The following AATF variants were observed in gnomAD, a reference collection of about 807,000 sequenced individuals.
The protein encoded by AATF is protein AATF.
AATF carries 48 observed loss-of-function variants against 63.7 expected under a neutral mutation model. The observed-to-expected ratio is 0.75, with a 90% CI of 0.60 to 0.96. The LOEUF (loss-of-function observed/expected upper bound fraction) is 0.96. Ranked by LOEUF, AATF falls within the 40% of genes least tolerant of loss-of-function variation. The pLI is 0.00. For missense variants in AATF, 639 were observed against 685.7 expected, an observed-to-expected ratio of 0.93 and a Z score of 0.76; for synonymous variants, 258 against 247.7, an observed-to-expected ratio of 1.04 and a Z score of -0.39.
intron 4 of AATF, among the ~76,000 whole-genome samples, chr17:36,969,648 C>G (rs148017782): frequency 6.6e-6 from 1 of 152,278 alleles, no homozygotes; most frequent in African/African-American, 2.4e-5. Flanking sequence ...TTTGCTTTTT[C>G]AAAAACTGGT....
chr17:36,975,359 A>T (rs2071072206), intron 4 of AATF, among the ~76,000 whole-genome samples: 1 of 152,164 alleles, frequency 6.6e-6, no homozygotes, highest in African/African-American at 2.4e-5. Flanking sequence ...AGCTCTAAAA[A>T]ATGAGGATGT....
intron 11 of AATF, 140 bp downstream of exon 11, chr17:37,031,825 C>A: frequency 1.4e-6 from 1 of 713,394 alleles, no homozygotes. Flanking sequence ...CACATCTCTT[C>A]ACCCTCATAA....
chr17:37,005,879 A>G (rs2071337383), intron 8 of AATF, among the ~76,000 whole-genome samples: 1 of 152,136 alleles, frequency 6.6e-6, no homozygotes, highest in African/African-American at 2.4e-5. Context: ...TGCAATCCCA[A>G]CACTTTGGGA....
At chr17:37,010,118 G>A (rs117792351) in intron 8 of AATF, among the ~76,000 whole-genome samples, 2,256 of 152,200 alleles carry the variant, frequency 0.015, 31 homozygotes, top group Non-Finnish European at 0.021. Context: ...TGTGGTGGGG[G>A]AAATGATAAA....
At chr17:37,023,847 C>A (rs1033431854) in intron 10 of AATF, among the ~76,000 whole-genome samples, 4 of 151,878 alleles carry the variant, frequency 2.6e-5, no homozygotes, top group Non-Finnish European at 5.9e-5. Context: ...AGCCCCACAC[C>A]CCCACCCCTG....
chr17:36,998,551 A>G (rs1473889344), intron 8 of AATF: 1 of 152,198 alleles, frequency 6.6e-6, no homozygotes, highest in Non-Finnish European at 1.5e-5. Flanking sequence ...CACTCTGATG[A>G]TTCACAAGTA....
intron 8 of AATF, among the ~76,000 whole-genome samples, chr17:37,004,191 C>T (rs891516206): frequency 1.3e-5 from 2 of 151,718 alleles, no homozygotes; most frequent in Admixed American, 6.6e-5. Flanking sequence ...ATTAGCCAGG[C>T]GTGGTGGCGG....
chr17:36,959,430 G>A (rs537535728), intron 4 of AATF, among the ~76,000 whole-genome samples: 12 of 152,244 alleles, frequency 7.9e-5, no homozygotes, highest in African/African-American at 1.9e-4. Flanking sequence ...GTGACAGAGC[G>A]AGAGTCTGTC....
At chr17:36,960,161 G>A (rs187042656) in intron 4 of AATF, among the ~76,000 whole-genome samples, 28 of 152,182 alleles carry the variant, frequency 1.8e-4, no homozygotes, top group Non-Finnish European at 3.7e-4. Context: ...GTACAGGCAT[G>A]CAGCACCACG....
At chr17:37,005,194 A>G (rs375811242) in intron 8 of AATF, among the ~76,000 whole-genome samples, 20 of 152,370 alleles carry the variant, frequency 1.3e-4, no homozygotes, top group Admixed American at 4.6e-4. Flanking sequence ...TTACCTTTCT[A>G]AAATATGAAA....
chr17:36,953,650 A>C, intron 3 of AATF, 120 bp from the exon 4 acceptor site: 1 of 950,624 alleles, frequency 1.1e-6, no homozygotes, highest in Non-Finnish European at 1.6e-6. Flanking sequence ...CCATGGCATT[A>C]AACTGCTAAA....
At chr17:36,955,711 T>G (rs2070894299) in intron 4 of AATF, among the ~76,000 whole-genome samples, 1 of 152,148 alleles carries the variant, frequency 6.6e-6, no homozygotes, top group Non-Finnish European at 1.5e-5. Flanking sequence ...ATATAGATAT[T>G]TTAGGGGTTA....
intron 4 of AATF, among the ~76,000 whole-genome samples, chr17:36,971,305 A>G (rs2071037443): frequency 6.6e-6 from 1 of 152,242 alleles, no homozygotes; most frequent in Non-Finnish European, 1.5e-5. Context: ...GCAAATAAGC[A>G]CATGAAAAGA....
chr17:37,047,842 A>G (rs2142322331), intron 11 of AATF, among the ~76,000 whole-genome samples: 1 of 152,322 alleles, frequency 6.6e-6, no homozygotes, highest in Middle Eastern at 3.4e-3. Context: ...ACCTTGTGGC[A>G]GATTCGGGCG....
At chr17:36,952,172 GT>G (rs1217987015) in intron 2 of AATF, among the ~76,000 whole-genome samples, 3 of 152,202 alleles carry the variant, frequency 2.0e-5, no homozygotes, top group African/African-American at 7.2e-5. Context: ...TCTATGAGCT[GT>G]TGCCTTATGC....
chr17:37,013,766 C>T (rs1446397137), intron 8 of AATF, among the ~76,000 whole-genome samples: 2 of 152,186 alleles, frequency 1.3e-5, no homozygotes, highest in Non-Finnish European at 2.9e-5. Flanking sequence ...ATTATGATTA[C>T]ATTTTTCTTA....
chr17:36,988,822 C>T (rs576097569), intron 6 of AATF, 102 bp downstream of exon 6: 21 of 1,126,638 alleles, frequency 1.9e-5, no homozygotes, highest in Middle Eastern at 3.0e-4. Context: ...GATGTTGTCA[C>T]GATGTAATGG....
At chr17:37,001,594 T>C (rs556173414) in intron 8 of AATF, among the ~76,000 whole-genome samples, 1 of 152,226 alleles carries the variant, frequency 6.6e-6, no homozygotes, top group South Asian at 2.1e-4. Context: ...AGAAACCACA[T>C]GATCATCTCA....
chr17:36,953,100 C>A lies in AATF; in HGVS notation c.498C>A (p.Asp166Glu). 1.2e-6 allele frequency: 2 copies of A among 1,614,020 alleles called. No homozygotes were observed. The highest frequency in any genetic ancestry group is 1.7e-6 in the Non-Finnish European group (2 of 1,180,016). The change falls in exon 3 of 12, where the codon GAC becomes GAA. Residue 166 changes from aspartate to glutamate, a missense_variant. By Grantham distance (45) the Asp-to-Glu change is conservative (BLOSUM62 2). Coordinates refer to ENST00000619387, the MANE Select transcript of AATF (RefSeq NM_012138.4). ...DFEKFTKGMD[D>E]LGSSEEEEDE... ...AGAAATTTACCAAGGGAATGGATGA[C>A]CTTGGGAGCAGTGAGGAGGAGGAAG... is the stretch of plus-strand genomic sequence containing the variant.
Sources: gnomAD v4.1 joint callset for allele counts (sites outside exome capture counted in the v4.1 genomes callset) on GRCh38, gnomAD v4.1.1 for gene constraint, MANE v1.5 for transcripts, NCBI Gene and HGNC (gene_info 2026-07-23, HGNC 2026-07-21) for gene names.